SLC2A11: variants seen among roughly 807,000 people sequenced by gnomAD.
SLC2A11 encodes the protein solute carrier family 2 member 11.
In SLC2A11, 43 loss-of-function variants were observed where a neutral mutation model predicts 52.1. The ratio of observed to expected loss-of-function variants is 0.82; its 90% CI spans 0.65 to 1.06. The LOEUF is 1.06. Among genes scored for constraint, SLC2A11 ranks in the 50% least tolerant of loss-of-function variants. The probability of loss-of-function intolerance (pLI) is 0.00; values close to 1 mark genes in which losing one functional copy is unlikely to be tolerated. For synonymous variants in SLC2A11, 261 were observed against 277.6 expected (o/e 0.94, Z 0.59); for missense variants, 582 against 654.2 (o/e 0.89, Z 1.20).
rs1203019044 is a variant in SLC2A11, at chr22:23,886,009, T to G, written c.*1160T>G. On this transcript the variant is annotated 3_prime_UTR_variant, in exon 12 of 12. Transcript: ENST00000316185. ...ATTTGCTATCAGTAACCCACCCCAG[T>G]CCCAGACCTGGGGAACCACTGACCT... 6.6e-6 allele frequency: 1 copy of G among 152,170 alleles called. No individual in the cohort carries two copies. The highest frequency in any genetic ancestry group is 1.5e-5 in the Non-Finnish European group (1 of 68,028). 9.4% of individuals were successfully genotyped at this position (152,170 alleles called of 1,614,324 possible).
intron 2 of SLC2A11, among the ~76,000 whole-genome samples, chr22:23,863,444 T>C (rs997348289): frequency 1.6e-4 from 25 of 152,120 alleles, no homozygotes; most frequent in Non-Finnish European, 3.1e-4. Context: ...GCCCCAGTGA[T>C]AGAAGCCCAC....
Position 23,868,538 on chromosome 22 carries a change from G to C in SLC2A11, c.187G>C (p.Asp63His). The C allele has an allele frequency of 6.2e-7, 1 of 1,614,192 alleles. No individual in the cohort carries two copies. The highest frequency in any genetic ancestry group is 8.5e-7 in the Non-Finnish European group (1 of 1,180,034). Reference protein sequence around the residue: ...WQARTGEPLPDHLVLLMWSLI... With the variant: ...WQARTGEPLPHHLVLLMWSLI... The stretch of plus-strand genomic sequence containing the variant: ...GGCGCGTACTGGAGAGCCACTGCCC[G>C]ATCACCTAGTCCTGCTTATGTGGTC... The change falls in exon 3 of 12, where the codon GAT (aspartate) becomes CAT (histidine). Residue 63 changes from aspartate (D) to histidine (H), a missense_variant. Asp to His is a moderately conservative substitution (Grantham distance 81). Coordinates refer to ENST00000316185, the MANE Select transcript of SLC2A11 (RefSeq NM_001024939.4).
chr22:23,883,896 G>A (rs373365313), intron 9 of SLC2A11, 23 bp downstream of exon 9: 1 of 1,606,238 alleles, frequency 6.2e-7, no homozygotes, highest in Non-Finnish European at 8.5e-7. Context: ...GATGAGGGCT[G>A]GGGGGTCCAG....
Position 23,884,688 on chromosome 22 carries a change from G to T in SLC2A11, c.1339G>T (p.Val447Phe). The T allele has an allele frequency of 1.9e-6, 3 of 1,614,024 alleles. No homozygotes were observed. The highest frequency in any genetic ancestry group is 1.3e-5 in the African/African-American group (1 of 75,024). ...CTTCCTCTATGTCCCTTTCCTTGGT[G>T]TCTGTGTCTGTGGGGCCATCTACAC... ...SHFLYVPFLG[V>F]CVCGAIYTGL... is the part of the protein sequence containing the mutation. The change falls in exon 12 of 12, where the codon GTC becomes TTC. Residue 447 changes from valine to phenylalanine, a missense_variant. Val to Phe is a conservative substitution (Grantham distance 50, BLOSUM62 -1). Coordinates refer to ENST00000316185, the MANE Select transcript of SLC2A11 (RefSeq NM_001024939.4). The surrounding 1 kb of genome is among the most constrained non-coding windows in gnomAD (Gnocchi z 4.3).
intron 5 of SLC2A11, 141 bp from the exon 6 acceptor site, chr22:23,877,580 T>A: frequency 8.8e-7 from 1 of 1,130,724 alleles, no homozygotes; most frequent in South Asian, 1.4e-5. Context: ...GGGATCTTGA[T>A]GTTCAGACCC....
intron 3 of SLC2A11, 22 bp downstream of exon 3, chr22:23,868,663 C>T (rs746569801): frequency 2.5e-6 from 4 of 1,613,018 alleles, no homozygotes; most frequent in African/African-American, 2.7e-5. Context: ...CTGCATACCC[C>T]CTGAATGCCC....
chr22:23,862,271 G>A, intron 2 of SLC2A11, 69 bp downstream of exon 2: 1 of 1,462,090 alleles, frequency 6.8e-7, no homozygotes, highest in Non-Finnish European at 9.6e-7. Context: ...GCCCACTGAG[G>A]GGCTTCAGCC....
Position 23,868,484 on chromosome 22 carries a change from A to G in SLC2A11, c.133A>G (p.Ile45Val), listed in dbSNP as rs182920717. The G allele has an allele frequency of 5.0e-6, 8 of 1,614,198 alleles. No homozygotes were observed. In the African/African-American group the frequency reaches 9.3e-5, roughly 19 times the overall value. The change falls in exon 3 of 12, where the codon ATT becomes GTT. Residue 45 changes from isoleucine (I) to valine (V), a missense_variant. Physicochemically the swap from Ile to Val is conservative, Grantham distance 29. Coordinates refer to ENST00000316185, the MANE Select transcript of SLC2A11 (RefSeq NM_001024939.4). Reference sequence around the variant, plus strand: ...TGACTGGCATTTCTGTCCACAGCACATTCAGGAATTCACCAATGAGACATG... The same window carrying G: ...TGACTGGCATTTCTGTCCACAGCACGTTCAGGAATTCACCAATGAGACATG... ...LSIINAPTLHIQEFTNETWQA... is the reference protein window; with the variant it reads ...LSIINAPTLHVQEFTNETWQA...
rs73400506 is a variant in SLC2A11 at position 23,875,292 on chromosome 22, A to C, written c.415+51A>C. On this transcript the variant is annotated intron_variant, in intron 4 of 11. Transcript: ENST00000316185. The stretch of plus-strand genomic sequence containing the variant: ...GCCTCTCTATGCCTATTAATTAATA[A>C]ATTCATTAATTCCTTTTATTTCATT... 1,785 of 1,324,098 alleles carry C rather than the reference A, an allele frequency of 1.3e-3. 20 individuals carry two copies. The African/African-American group carries it at 0.02, about 15-fold the overall frequency. The allele number at this position is 1,324,098 out of a possible 1,614,324, so 82.0% of individuals were successfully genotyped here. A position where few individuals can be genotyped will look rare whatever the true frequency, so the allele number is the denominator to read the frequency against.
At chr22:23,875,736 T>C (rs898977551) in intron 4 of SLC2A11, among the ~76,000 whole-genome samples, 1 of 149,640 alleles carries the variant, frequency 6.7e-6, no homozygotes, top group South Asian at 2.1e-4. Flanking sequence ...TACAGCCCAG[T>C]GGTGATGTTA....
At chr22:23,863,613 T>TG (rs959028869) in intron 2 of SLC2A11, among the ~76,000 whole-genome samples, 17 of 135,882 alleles carry the variant, frequency 1.3e-4, no homozygotes, top group African/African-American at 4.7e-4. Flanking sequence ...CTCTGGTTTT[T>TG]TTTTTTTTTT....
chr22:23,885,281 A>G lies in SLC2A11; in HGVS notation c.*432A>G. On this transcript the variant is annotated 3_prime_UTR_variant, in exon 12 of 12. Coordinates refer to ENST00000316185, the MANE Select transcript of SLC2A11 (RefSeq NM_001024939.4). ...GAGGCAGCAGGATCACTTGAGTCCA[A>G]GAGTTCAAGGTAGCAGTAAGCTACA... 1 of 244,494 alleles carries G rather than the reference A, an allele frequency of 4.1e-6. No homozygotes were observed. Among genetic ancestry groups the G allele is most frequent in the African/African-American group, 2.2e-5 (1 of 44,812 alleles). 15.1% of individuals were successfully genotyped at this position (244,494 alleles called of 1,614,324 possible).
rs1442334706 is a variant in SLC2A11, at chr22:23,884,876, C to G, written c.*27C>G. ...CCCAAAGGGGTGGCCAGAGCCAAAG[C>G]CAGCTACTGTCCTGTCCTCTGCTTC... is the stretch of plus-strand genomic sequence containing the variant. On this transcript the variant is annotated 3_prime_UTR_variant, in exon 12 of 12. Coordinates refer to ENST00000316185, the MANE Select transcript of SLC2A11 (RefSeq NM_001024939.4). This position sits in a 1 kb window ranked among gnomAD's most constrained non-coding sequence, Gnocchi z 4.3. 1 of 1,600,686 alleles carries G rather than the reference C, an allele frequency of 6.2e-7. No individual in the cohort carries two copies. Among genetic ancestry groups the G allele is most frequent in the East Asian group, 2.2e-5 (1 of 44,822 alleles).
chr22:23,868,417 C>A, intron 2 of SLC2A11, 64 bp from the exon 3 acceptor site: 1 of 1,586,838 alleles, frequency 6.3e-7, no homozygotes, highest in Non-Finnish European at 8.6e-7. Flanking sequence ...GGGGAGAAGG[C>A]TTGTTTCATC....
upstream of SLC2A11, chr22:23,857,388 G>A: frequency 1.3e-6 from 2 of 1,544,794 alleles, no homozygotes; most frequent in Non-Finnish European, 1.8e-6. Flanking sequence ...TGGCCGAGAT[G>A]ACCTTGGACC....
chr22:23,871,820 A>T (rs905818480), intron 3 of SLC2A11: 2 of 152,082 alleles, frequency 1.3e-5, no homozygotes, highest in Non-Finnish European at 1.5e-5. Context: ...GTCCAAGCTG[A>T]TGTGAGTGAC....
chr22:23,857,888 G>GGGCGCTGCGCGCTGCCC lies in SLC2A11; in HGVS notation c.-111_-95dup. 2 of 1,558,484 alleles carry GGGCGCTGCGCGCTGCCC rather than the reference G, an allele frequency of 1.3e-6. No homozygotes were observed. The highest frequency in any genetic ancestry group is 2.4e-5 in the East Asian group (1 of 41,686). ...GTGCGCTAGCGCCTCTTTCACCACT[G>GGGCGCTGCGCGCTGCCC]GGCGCTGCGCGCTGCCCTTCCCTCC... is the stretch of plus-strand genomic sequence containing the variant. On this transcript the variant is annotated 5_prime_UTR_variant, in exon 1 of 12. Coordinates refer to ENST00000316185, the MANE Select transcript of SLC2A11 (RefSeq NM_001024939.4).
At chr22:23,876,789 G>C (rs1353739480) in intron 4 of SLC2A11, among the ~76,000 whole-genome samples, 1 of 152,154 alleles carries the variant, frequency 6.6e-6, no homozygotes, top group Non-Finnish European at 1.5e-5. Flanking sequence ...TGGTACTGTG[G>C]CCAGGGACCA....
In SLC2A11 at chr22:23,867,546, C is replaced by A. The variant is rs1208214870; in HGVS notation, c.130-935C>A. On this transcript the variant is annotated intron_variant, in intron 2 of 11. Coordinates refer to ENST00000316185, the MANE Select transcript of SLC2A11 (RefSeq NM_001024939.4). ...GCATCTTTTGTTATTTGCAATGAGC[C>A]CCATTTCATCATACCTGCGCTTATG... The A allele has an allele frequency of 2.3e-5, 8 of 348,700 alleles. No homozygotes were observed. The East Asian group carries it at 6.1e-4, about 27-fold the overall frequency. The allele number at this position is 348,700 out of a possible 1,614,324, so 21.6% of individuals were successfully genotyped here.
Sources: allele counts gnomAD v4.1 joint callset (sites outside exome capture counted in the v4.1 genomes callset), GRCh38; gene constraint gnomAD v4.1.1; non-coding constraint Gnocchi (gnomAD v3.1); transcripts MANE v1.5; gene names NCBI Gene and HGNC (gene_info 2026-07-23, HGNC 2026-07-21).